WASHC2A: variants seen among roughly 807,000 people sequenced by gnomAD.
The protein encoded by WASHC2A is WASH complex subunit FAM21A.
WASHC2A carries 82 observed loss-of-function variants against 140.3 expected under a neutral mutation model. The ratio of observed to expected loss-of-function variants is 0.58; its 90% confidence interval spans 0.49 to 0.70. WASHC2A has a LOEUF of 0.70. Ranked by LOEUF, WASHC2A falls within the 30% of genes least tolerant of loss-of-function variation. The pLI is 0.00. For missense variants in WASHC2A, 985 were observed against 1,521.8 expected, an observed-to-expected ratio of 0.65 and a Z score of 5.87; for synonymous variants, 340 against 560.8, an observed-to-expected ratio of 0.61 and a Z score of 5.56.
Position 50,125,397 on chromosome 10 carries a change from T to C in WASHC2A, c.2636T>C (p.Phe879Ser). 2 of 1,608,562 alleles carry C rather than the reference T, an allele frequency of 1.2e-6. No homozygotes were observed. Among genetic ancestry groups the C allele is most frequent in the South Asian group, 1.1e-5 (1 of 90,862 alleles). ...TTAGAGCCAAGTGTTGGGAGCCTGT[T>C]TGGGGATGATGAAGATGATGATCTT... ...KLLEPSVGSL[F>S]GDDEDDDLFS... The change falls in exon 25 of 31, where the codon TTT becomes TCT. Residue 879 changes from phenylalanine (F) to serine (S), a missense_variant. Coordinates refer to ENST00000282633, the MANE Select transcript of WASHC2A (RefSeq NM_001005751.3).
At chr10:50,131,109 G>C in intron 30 of WASHC2A, 31 bp downstream of exon 30, 4 of 1,611,968 alleles carry the variant, frequency 2.5e-6, no homozygotes, top group Non-Finnish European at 3.4e-6. Flanking sequence ...CTGACCTAGA[G>C]AATTCTTACC....
chr10:50,101,734 G>C (rs1216540928), intron 17 of WASHC2A, among the ~76,000 whole-genome samples: 1 of 145,708 alleles, frequency 6.9e-6, no homozygotes, highest in Non-Finnish European at 1.6e-5. Flanking sequence ...TAGTTTTGTT[G>C]TCTCACAGTT....
At chr10:50,070,121 A>C (rs1837670141) in intron 3 of WASHC2A, among the ~76,000 whole-genome samples, 1 of 152,142 alleles carries the variant, frequency 6.6e-6, no homozygotes. Flanking sequence ...TATTCAGGGG[A>C]TATATATGTC....
intron 28 of WASHC2A, among the ~76,000 whole-genome samples, chr10:50,128,056 A>G (rs1263582150): frequency 6.6e-6 from 1 of 151,044 alleles, no homozygotes; most frequent in Admixed American, 6.6e-5. Flanking sequence ...GGTGTCTGAC[A>G]CCTGCAGGTT....
intron 30 of WASHC2A, among the ~76,000 whole-genome samples, chr10:50,131,980 T>C (rs1200785614): frequency 6.6e-6 from 1 of 152,264 alleles, no homozygotes; most frequent in Non-Finnish European, 1.5e-5. Flanking sequence ...GATATTAATA[T>C]ATGTTTGTGT....
intron 26 of WASHC2A, among the ~76,000 whole-genome samples, chr10:50,126,908 G>C (rs1176623111): frequency 1.3e-5 from 2 of 152,144 alleles, no homozygotes; most frequent in African/African-American, 4.8e-5. Flanking sequence ...TGACTCTTGG[G>C]AATCTTACTC....
intron 21 of WASHC2A, among the ~76,000 whole-genome samples, chr10:50,114,736 A>G (rs1172863907): frequency 1.9e-5 from 1 of 52,068 alleles, no homozygotes; most frequent in Non-Finnish European, 3.5e-5. Flanking sequence ...TTTGTGCATT[A>G]CTGTGGAATT....
chr10:50,129,796 A>G lies in WASHC2A; in HGVS notation c.3465A>G (p.Ala1155=). The change falls in exon 29 of 31, where the codon GCA becomes GCG. Residue 1155 remains alanine (A), a synonymous_variant. Coordinates refer to ENST00000282633, the MANE Select transcript of WASHC2A (RefSeq NM_001005751.3). ...VERTKPKAKI[A]ENPANPPVGG... ...GAACAAAACCCAAGGCAAAGATAGC[A>G]GAGAATCCTGCCAACCCACCAGTGG... The G allele has an allele frequency of 6.2e-7, 1 of 1,612,078 alleles. No individual in the cohort carries two copies. Among genetic ancestry groups the G allele is most frequent in the South Asian group, 1.1e-5 (1 of 90,988 alleles).
chr10:50,103,628 C>G (rs1163999300), intron 17 of WASHC2A, among the ~76,000 whole-genome samples: 1 of 152,078 alleles, frequency 6.6e-6, no homozygotes, highest in East Asian at 1.9e-4. Context: ...ATAGTTGTAG[C>G]TCCATTAATT....
chr10:50,084,975 A>G (rs529774106), intron 6 of WASHC2A, among the ~76,000 whole-genome samples: 1,426 of 103,654 alleles, frequency 0.014, 66 homozygotes, highest in African/African-American at 0.056. Flanking sequence ...ACCTCAGGTG[A>G]TCCTCTGTGT....
In WASHC2A at chr10:50,091,506, G is replaced by A. The variant is rs1369183082; in HGVS notation, c.919G>A (p.Glu307Lys). 16 of 1,549,774 alleles carry A rather than the reference G, an allele frequency of 1.0e-5. No homozygotes were observed. Among genetic ancestry groups the A allele is most frequent in the East Asian group, 2.4e-5 (1 of 41,040 alleles). Residue 307 changes from glutamate to lysine, a missense_variant, in exon 10 of 31, where the codon GAG (glutamate) becomes AAG (lysine). By Grantham distance (56) the Glu-to-Lys change is moderately conservative. Transcript: ENST00000282633. ...IKGDAVGRVDEEPTTLPSGEA... is the reference protein window; with the variant it reads ...IKGDAVGRVDKEPTTLPSGEA... ...GGGGGATGCCGTGGGTCGAGTGGAC[G>A]AGGAGCCGACAAGTGAGCCCCAGCC...
chr10:50,082,634 C>T (rs1839014713), intron 5 of WASHC2A, among the ~76,000 whole-genome samples: 1 of 150,652 alleles, frequency 6.6e-6, no homozygotes, highest in African/African-American at 2.4e-5. Context: ...TGTAACATGA[C>T]ACCTGGCTAA....
In WASHC2A at chr10:50,106,358, G is replaced by C; in HGVS notation, c.1762G>C (p.Ala588Pro). 1 of 1,611,878 alleles carries C rather than the reference G, an allele frequency of 6.2e-7. No individual in the cohort carries two copies. Residue 588 changes from alanine (A) to proline (P), a missense_variant, in exon 19 of 31, where the codon GCT (alanine) becomes CCT (proline). Ala to Pro is a conservative substitution (Grantham distance 27, BLOSUM62 -1). Transcript: ENST00000282633. ...EEDNLFGGTAAKKQTLCLQAQ... is the reference protein window; with the variant it reads ...EEDNLFGGTAPKKQTLCLQAQ... ...GGATAATCTTTTTGGGGGTACAGCTGCTAAGAAGCAGACATTGTGTCTACA... is the reference window on the plus strand; with the variant it reads ...GGATAATCTTTTTGGGGGTACAGCTCCTAAGAAGCAGACATTGTGTCTACA...
At chr10:50,084,799 G>A (rs1327393796) in intron 6 of WASHC2A, among the ~76,000 whole-genome samples, 11 of 148,688 alleles carry the variant, frequency 7.4e-5, no homozygotes, top group Admixed American at 2.7e-4. Context: ...GCAATGGCGC[G>A]ATCTTGGCTC....
At chr10:50,127,363 C>T in intron 27 of WASHC2A, 141 bp downstream of exon 27, 6 of 1,550,110 alleles carry the variant, frequency 3.9e-6, no homozygotes, top group South Asian at 2.3e-5. Flanking sequence ...TTGTTGTCTC[C>T]TGTGTGCTGC....
At position 50,130,953 on chromosome 10, in the gene WASHC2A, A is replaced by T. The variant is rs1843914967; in HGVS notation, c.3761A>T (p.Lys1254Met). ...AIKPSQKTRE[K>M]EKTLESNLFD... ...AAACCCTCTCAGAAAACCAGAGAGA[A>T]GGAGAAAACATTGGAATCTAATTTA... Residue 1254 changes from lysine (K) to methionine (M), a missense_variant, in exon 30 of 31, where the codon AAG (lysine) becomes ATG (methionine). By Grantham distance (95) the Lys-to-Met change is moderately conservative. Coordinates refer to ENST00000282633, the MANE Select transcript of WASHC2A (RefSeq NM_001005751.3). 1.2e-6 allele frequency: 2 copies of T among 1,610,384 alleles called. No homozygotes were observed. Among genetic ancestry groups the T allele is most frequent in the African/African-American group, 2.7e-5 (2 of 74,690 alleles).
chr10:50,129,735 T>A lies in WASHC2A; in HGVS notation c.3404T>A (p.Ile1135Asn), dbSNP rs1244669879. ...GCTGACCTTTTTGATTCTGGGGACA[T>A]CTTTTCCACGGGCACTGGATCTCAG... The part of the protein sequence containing the change: ...GEADLFDSGD[I>N]FSTGTGSQSV... Residue 1135 changes from isoleucine to asparagine, a missense_variant, in exon 29 of 31, where the codon ATC (isoleucine) becomes AAC (asparagine). Physicochemically the swap from Ile to Asn is moderately radical, Grantham distance 149 (BLOSUM62 -3). Transcript: ENST00000282633. The A allele has an allele frequency of 6.2e-7, 1 of 1,612,060 alleles. No individual in the cohort carries two copies. The highest frequency in any genetic ancestry group is 2.2e-5 in the East Asian group (1 of 44,884).
At chr10:50,099,875 C>T (rs1341617804) in intron 16 of WASHC2A, 103 bp from the exon 17 acceptor site, 23 of 1,016,204 alleles carry the variant, frequency 2.3e-5, no homozygotes, top group Middle Eastern at 3.1e-4. Flanking sequence ...TGCGTTTTCT[C>T]GATTGATTGA....
chr10:50,068,215 G>T lies in WASHC2A; in HGVS notation c.114G>T (p.Ala38=). 2 of 1,580,258 alleles carry T rather than the reference G, an allele frequency of 1.3e-6. No individual in the cohort carries two copies. Among genetic ancestry groups the T allele is most frequent in the Non-Finnish European group, 1.7e-6 (2 of 1,163,226 alleles). The stretch of plus-strand genomic sequence containing the variant: ...GGAGCAGCCAGAGCTGGTCGCTGGC[G>T]GCCGACGCGGGCGTGAGAGGCGGGC... The part of the protein sequence containing the change: ...IRRSSQSWSL[A]ADAGLLQFLQ... The change falls in exon 2 of 31, where the codon GCG becomes GCT. Residue 38 remains alanine (A), a synonymous_variant. Coordinates refer to ENST00000282633, the MANE Select transcript of WASHC2A (RefSeq NM_001005751.3).
Sources: gnomAD v4.1 joint callset for allele counts (sites outside exome capture counted in the v4.1 genomes callset) on GRCh38, gnomAD v4.1.1 for gene constraint, MANE v1.5 for transcripts, NCBI Gene and HGNC (gene_info 2026-07-23, HGNC 2026-07-21) for gene names.